Variants in ATAD2B observed in about 807,000 individuals in gnomAD.
ATAD2B encodes the protein ATPase family AAA domain-containing protein 2B.
A neutral mutation model predicts 167.6 loss-of-function variants in ATAD2B; 40 were observed. The observed-to-expected ratio is 0.24, with a 90% CI of 0.19 to 0.31. The LOEUF (loss-of-function observed/expected upper bound fraction) is 0.31. Among genes scored for constraint, ATAD2B ranks in the 10% least tolerant of loss-of-function variants. The pLI, the probability that ATAD2B is intolerant of heterozygous loss-of-function variation, is 1.00. For synonymous variants in ATAD2B, 579 were observed against 596.5 expected (o/e 0.97, Z 0.43); for missense variants, 1,242 against 1,757.2 (o/e 0.71, Z 5.24).
chr2:23,758,253 C>T (rs1016844457), intron 24 of ATAD2B, among the ~76,000 whole-genome samples, 152 bp from the exon 25 acceptor site: 1 of 152,140 alleles, frequency 6.6e-6, no homozygotes, highest in African/African-American at 2.4e-5. Context: ...CTGACTAATC[C>T]TTGCAACCTA....
In ATAD2B at chr2:23,923,453, T is replaced by C. The variant is rs532506886; in HGVS notation, c.216+3102A>G. On this transcript the variant is annotated intron_variant, in intron 1 of 27. Transcript: ENST00000238789. ...GAATACTGTATTGCATACTTAAAAT[T>C]TTCTAAGAGGGTAGATTTTATATCA... Among the ~76,000 whole-genome samples the C allele has an allele frequency of 5.9e-5, 9 of 152,192 alleles. No homozygotes were observed. The South Asian group carries it at 1.7e-3, about 28-fold the overall frequency.
intron 6 of ATAD2B, among the ~76,000 whole-genome samples, chr2:23,883,172 C>A (rs1266090118): frequency 6.6e-6 from 1 of 150,920 alleles, no homozygotes; most frequent in Non-Finnish European, 1.5e-5. Context: ...CCCAGCTACT[C>A]AGGAGGCTGA....
intron 12 of ATAD2B, 59 bp from the exon 13 acceptor site, chr2:23,857,562 A>G: frequency 1.2e-6 from 1 of 835,102 alleles, no homozygotes; most frequent in African/African-American, 1.8e-5. Context: ...AAAATTTATT[A>G]TATTTTCTTA....
chr2:23,757,766 G>A lies in ATAD2B; in HGVS notation c.3730C>T (p.Leu1244=), dbSNP rs1191463931. 1 of 1,588,284 alleles carries A rather than the reference G, an allele frequency of 6.3e-7. No homozygotes were observed. The highest frequency in any genetic ancestry group is 1.2e-5 in the South Asian group (1 of 86,384). ...TTTAAGGAACTGCTGCTGTTGACCA[G>A]TAGAGATTCATTTGAACTTTCCTCC... ...TEEESSNESL[L]VNSSSSLNPE... Residue 1244 remains leucine (L), a synonymous_variant, in exon 25 of 28, where the codon CTG becomes TTG. Transcript: ENST00000238789.
intron 18 of ATAD2B, among the ~76,000 whole-genome samples, chr2:23,801,245 A>G (rs1683452681): frequency 6.6e-6 from 1 of 152,138 alleles, no homozygotes. Context: ...AAAAAAGTTT[A>G]ATACTATTAT....
intron 24 of ATAD2B, among the ~76,000 whole-genome samples, chr2:23,759,025 TAAATAAACAA>T (rs1409568716): frequency 2.0e-5 from 3 of 152,158 alleles, no homozygotes; most frequent in African/African-American, 7.2e-5. Flanking sequence ...CATTGTCCCT[TAAATAAACAA>T]AAAGTTAACT....
intron 12 of ATAD2B, among the ~76,000 whole-genome samples, chr2:23,857,739 A>ATTTTTT (rs34857462): frequency 5.0e-5 from 6 of 120,612 alleles, no homozygotes; most frequent in African/African-American, 6.2e-5. Flanking sequence ...ACCAAAGTGT[A>ATTTTTT]TTTTTTTTTT....
chr2:23,741,805 C>T, the ATAD2B span, among the ~76,000 whole-genome samples: 1 of 152,222 alleles, frequency 6.6e-6, no homozygotes. Context: ...ACCTACTCAT[C>T]TGACAAAGGG....
intron 19 of ATAD2B, 66 bp downstream of exon 19, chr2:23,798,072 A>C: frequency 9.2e-7 from 1 of 1,092,692 alleles, no homozygotes; most frequent in Non-Finnish European, 1.2e-6. Context: ...AAAGGTGTCC[A>C]ATTTACAGAG....
chr2:23,739,955 A>C, the ATAD2B span, among the ~76,000 whole-genome samples: 2 of 152,260 alleles, frequency 1.3e-5, no homozygotes, highest in African/African-American at 4.8e-5. Flanking sequence ...ATCTAGAAGA[A>C]ATGGATAAAT....
intron 18 of ATAD2B, chr2:23,800,084 TTAAA>T (rs1683240009): frequency 1.0e-5 from 1 of 97,336 alleles, no homozygotes; most frequent in Non-Finnish European, 2.3e-5. Flanking sequence ...AGGCACTTAT[TTAAA>T]AAAAAAAAAA....
the ATAD2B span, among the ~76,000 whole-genome samples, chr2:23,679,062 AAAAAG>A: frequency 1.3e-5 from 2 of 152,170 alleles, no homozygotes; most frequent in Non-Finnish European, 2.9e-5. Flanking sequence ...AAAAAAAAAA[AAAAAG>A]AATTAGCCTC....
chr2:23,776,096 C>A (rs908968758), intron 22 of ATAD2B, among the ~76,000 whole-genome samples: 1 of 152,102 alleles, frequency 6.6e-6, no homozygotes, highest in Non-Finnish European at 1.5e-5. Context: ...AGCCTGGCAA[C>A]AGAGCAAGAC....
At chr2:23,882,960 A>G (rs542251378) in intron 6 of ATAD2B, among the ~76,000 whole-genome samples, 1 of 152,266 alleles carries the variant, frequency 6.6e-6, no homozygotes, top group African/African-American at 2.4e-5. Flanking sequence ...TGGCAGTGAT[A>G]CTTAGGGAAG....
chr2:23,895,480 A>C (rs182448901), intron 2 of ATAD2B, among the ~76,000 whole-genome samples: 10 of 152,264 alleles, frequency 6.6e-5, no homozygotes, highest in Admixed American at 2.0e-4. Context: ...GTGAAATAAT[A>C]ATCTTTAAAA....
rs1023470777 is a variant in ATAD2B at position 23,921,736 on chromosome 2, T to C, written c.216+4819A>G. Among the ~76,000 whole-genome samples the C allele has an allele frequency of 5.9e-5, 9 of 152,308 alleles. No homozygotes were observed. The East Asian group carries it at 1.4e-3, about 23-fold the overall frequency. Reference sequence around the variant, plus strand: ...ACTCCACTACTGCTTTGGTTCGAAATTGTGGCAGGGAACATTGTCACGTTA... The same window carrying C: ...ACTCCACTACTGCTTTGGTTCGAAACTGTGGCAGGGAACATTGTCACGTTA... On this transcript the variant is annotated intron_variant, in intron 1 of 27. Coordinates refer to ENST00000238789, the MANE Select transcript of ATAD2B (RefSeq NM_017552.4).
At chr2:23,822,233 T>A (rs770292266) in intron 16 of ATAD2B, among the ~76,000 whole-genome samples, 17 of 152,176 alleles carry the variant, frequency 1.1e-4, no homozygotes, top group Non-Finnish European at 1.5e-4. Flanking sequence ...TTGAATGACC[T>A]TATATTAATT....
chr2:23,777,904 C>CA (rs1387672452), intron 22 of ATAD2B, among the ~76,000 whole-genome samples: 1 of 152,186 alleles, frequency 6.6e-6, no homozygotes, highest in East Asian at 1.9e-4. Flanking sequence ...TCTGGGTCAA[C>CA]ACTTAGGCAA....
the ATAD2B span, among the ~76,000 whole-genome samples, chr2:23,709,735 C>T: frequency 6.6e-6 from 1 of 152,192 alleles, no homozygotes; most frequent in East Asian, 1.9e-4. Flanking sequence ...GGACCATACT[C>T]TTGTCAAATA....
Sources: gnomAD v4.1 joint callset for allele counts (sites outside exome capture counted in the v4.1 genomes callset) on GRCh38, gnomAD v4.1.1 for gene constraint, MANE v1.5 for transcripts, NCBI Gene and HGNC (gene_info 2026-07-23, HGNC 2026-07-21) for gene names.